The following RIF1 variants were observed in gnomAD, a reference collection of about 807,000 sequenced individuals.
RIF1 encodes telomere-associated protein RIF1.
Under a neutral mutation model 247.1 loss-of-function variants are expected in RIF1, and 45 were observed. The observed-to-expected ratio is 0.18, with a 90% CI of 0.14 to 0.23. The LOEUF (loss-of-function observed/expected upper bound fraction) is 0.23. RIF1 is among the 10% of genes least tolerant of loss of function. The pLI, the probability that RIF1 is intolerant of heterozygous loss-of-function variation, is 1.00. For synonymous variants in RIF1, 1,087 were observed against 978.8 expected (o/e 1.11, Z -2.06); for missense variants, 2,967 against 2,862.5 (o/e 1.04, Z -0.83).
At position 151,463,955 on chromosome 2, in the gene RIF1, A is replaced by C. The variant is rs749955400; in HGVS notation, c.4435A>C (p.Ile1479Leu). The C allele has an allele frequency of 2.0e-5, 33 of 1,609,962 alleles. No homozygotes were observed. The highest frequency in any genetic ancestry group is 2.7e-5 in the Non-Finnish European group (32 of 1,179,018). ...TGAACAAACTCTACAGGAGAATTTA[A>C]TTGAGAAAGGAAGTAATTTACATGA... ...IAEQTLQENL[I>L]EKGSNLHEKT... Residue 1479 changes from isoleucine to leucine, a missense_variant, in exon 30 of 36, where the codon ATT (isoleucine) becomes CTT (leucine). By Grantham distance (5) the Ile-to-Leu change is conservative. Coordinates refer to ENST00000444746, the MANE Select transcript of RIF1 (RefSeq NM_018151.5).
chr2:151,518,868 G>T, the RIF1 span: 1 of 745,256 alleles, frequency 1.3e-6, no homozygotes, highest in African/African-American at 1.7e-5. Flanking sequence ...TAAATCTAGG[G>T]TATCAGTAGC....
downstream of RIF1, among the ~76,000 whole-genome samples, chr2:151,483,905 G>A (rs189334018): frequency 2.6e-5 from 4 of 152,302 alleles, no homozygotes; most frequent in East Asian, 1.9e-4. Flanking sequence ...GAACAGTTTC[G>A]TTCCCCACTG....
chr2:151,468,269 T>G lies in RIF1; in HGVS notation c.6747+123T>G, dbSNP rs1006538453. On this transcript the variant is annotated intron_variant, in intron 31 of 35. Transcript: ENST00000444746. ...TTCCTTGGTTTAAAATATATTCTTT[T>G]GTCTGGTACACGGTAAGCAGAAAGG... 19 of 1,034,280 alleles carry G rather than the reference T, an allele frequency of 1.8e-5. No homozygotes were observed. The Middle Eastern group carries it at 9.4e-4, about 51-fold the overall frequency. 64.1% of individuals were successfully genotyped at this position (1,034,280 alleles called of 1,614,324 possible).
chr2:151,429,445 G>T (rs1212889757), intron 9 of RIF1, among the ~76,000 whole-genome samples: 1 of 152,210 alleles, frequency 6.6e-6, no homozygotes. Context: ...CCTCCCAAAT[G>T]CTGGGATTAC....
chr2:151,483,522 A>G (rs976574939), downstream of RIF1, among the ~76,000 whole-genome samples: 7 of 152,170 alleles, frequency 4.6e-5, no homozygotes, highest in African/African-American at 1.7e-4. Flanking sequence ...TGGTGGATGT[A>G]GGATTATTCT....
chr2:151,420,190 G>T lies in RIF1; in HGVS notation c.504G>T (p.Arg168Ser). 1 of 1,612,046 alleles carries T rather than the reference G, an allele frequency of 6.2e-7. No individual in the cohort carries two copies. The highest frequency in any genetic ancestry group is 1.1e-5 in the South Asian group (1 of 90,946). ...TTATTCATTGATTTCTCTATTATAG[G>T]CTAATTGAACAAGCCCCAATTCAAA... Reference protein sequence around the residue: ...VDFEALNVIVRLIEQAPIQMG... With the variant: ...VDFEALNVIVSLIEQAPIQMG... Residue 168 changes from arginine to serine, a missense_variant and splice_region_variant, in exon 7 of 36, where the codon AGG becomes AGT. Physicochemically the swap from Arg to Ser is moderately radical, Grantham distance 110 (BLOSUM62 -1). Transcript: ENST00000444746.
Position 151,445,396 on chromosome 2 carries a change from C to T in RIF1, c.2045C>T (p.Ala682Val). ...CATAATTTTAGTGCCATCTATGGTG[C>T]ATTGACTTTACCAGTAAACCACATT... ...LEHNFSAIYGALTLPVNHIFS... is the reference protein window; with the variant it reads ...LEHNFSAIYGVLTLPVNHIFS... Residue 682 changes from alanine to valine, a missense_variant, in exon 19 of 36, where the codon GCA becomes GTA. Physicochemically the swap from Ala to Val is moderately conservative, Grantham distance 64. This residue lies in a region of RIF1 where 76 missense variants were observed against 113.3 expected (regional missense o/e 0.67). Transcript: ENST00000444746. The T allele has an allele frequency of 6.2e-7, 1 of 1,609,952 alleles. No individual in the cohort carries two copies. Among genetic ancestry groups the T allele is most frequent in the Admixed American group, 1.7e-5 (1 of 60,006 alleles).
chr2:151,458,679 A>C, intron 24 of RIF1, 132 bp from the exon 25 acceptor site: 2 of 452,600 alleles, frequency 4.4e-6, no homozygotes, highest in Non-Finnish European at 7.8e-6. Context: ...TACACATAGT[A>C]AGGAACAGTC....
At chr2:151,508,106 T>C (rs2070773602), downstream of RIF1, 9 of 1,599,032 alleles carry the variant, frequency 5.6e-6, no homozygotes, top group Non-Finnish European at 7.7e-6. Flanking sequence ...TCCTTGTACT[T>C]TTTCTGGGAA....
At chr2:151,513,241 T>G in the RIF1 span, among the ~76,000 whole-genome samples, 1 of 152,160 alleles carries the variant, frequency 6.6e-6, no homozygotes, top group Non-Finnish European at 1.5e-5. Context: ...TCCCAAGATA[T>G]TCTAAGCAAG....
chr2:151,490,438 G>C (rs1253470037), intron 9 of RIF1: 7 of 1,604,660 alleles, frequency 4.4e-6, no homozygotes, highest in Non-Finnish European at 5.1e-6. Flanking sequence ...GCTTCTGAAT[G>C]CTCAGACTTC....
chr2:151,465,391 T>G lies in RIF1; in HGVS notation c.5871T>G (p.Ala1957=). 6.2e-7 allele frequency: 1 copy of G among 1,613,724 alleles called. No homozygotes were observed. Among genetic ancestry groups the G allele is most frequent in the Non-Finnish European group, 8.5e-7 (1 of 1,179,876 alleles). Residue 1957 remains alanine (A), a synonymous_variant, in exon 30 of 36, where the codon GCT becomes GCG. Transcript: ENST00000444746. ...ATGATGACTCTGAAGCAGACACAGC[T>G]AAACTGAATGCCAAAGAAGTAGCAA... ...KRNDDSEADT[A]KLNAKEVATE...
At position 151,475,499 on chromosome 2, in the gene RIF1, A is replaced by G. The variant is rs2048885844; in HGVS notation, c.*428A>G. On this transcript the variant is annotated 3_prime_UTR_variant, in exon 36 of 36. Coordinates refer to ENST00000444746, the MANE Select transcript of RIF1 (RefSeq NM_018151.5). ...TTTTGTTTGTTGGTTTGTTTAATTC[A>G]TGTTTGTTGGGACTGAGGTTTAGGA... is the stretch of plus-strand genomic sequence containing the variant. 1 of 172,806 alleles carries G rather than the reference A, an allele frequency of 5.8e-6. No individual in the cohort carries two copies. The highest frequency in any genetic ancestry group is 5.8e-5 in the Admixed American group (1 of 17,328). The allele number at this position is 172,806 out of a possible 1,614,324, so 10.7% of individuals were successfully genotyped here. A position where few individuals can be genotyped will look rare whatever the true frequency, so the allele number is the denominator to read the frequency against.
intron 16 of RIF1, among the ~76,000 whole-genome samples, chr2:151,442,640 A>G (rs775918331): frequency 4.6e-5 from 7 of 152,048 alleles, no homozygotes; most frequent in Non-Finnish European, 7.4e-5. Flanking sequence ...TGCACTTAGT[A>G]TCTCTAGGAT....
At chr2:151,416,478 T>C in intron 4 of RIF1, 83 bp from the exon 5 acceptor site, 2 of 1,190,052 alleles carry the variant, frequency 1.7e-6, no homozygotes, top group Non-Finnish European at 1.2e-6. Flanking sequence ...GATTGATGAG[T>C]ATATTGTTTT....
At chr2:151,493,984 T>G in intron 9 of RIF1, 2 of 907,694 alleles carry the variant, frequency 2.2e-6, no homozygotes. Flanking sequence ...AGAACACCTC[T>G]CAAGAAGAAA....
At chr2:151,485,833 C>T, downstream of RIF1, 4 of 1,614,098 alleles carry the variant, frequency 2.5e-6, no homozygotes, top group Non-Finnish European at 3.4e-6. Flanking sequence ...ATACATCCAG[C>T]CTTCATCAAT....
chr2:151,505,667 A>C, intron 12 of RIF1: 1 of 999,802 alleles, frequency 1.0e-6, no homozygotes, highest in Non-Finnish European at 1.6e-6. Context: ...CAAATTAAAA[A>C]AATTAACAGT....
chr2:151,427,843 G>A (rs539766637), intron 8 of RIF1, among the ~76,000 whole-genome samples: 1 of 152,110 alleles, frequency 6.6e-6, no homozygotes, highest in Non-Finnish European at 1.5e-5. Context: ...GGTGGACTGA[G>A]TTCAGGAGTT....
Sources: allele counts gnomAD v4.1 joint callset (sites outside exome capture counted in the v4.1 genomes callset), GRCh38; gene constraint gnomAD v4.1.1; regional missense constraint gnomAD v4.1.1; transcripts MANE v1.5; gene names NCBI Gene and HGNC (gene_info 2026-07-23, HGNC 2026-07-21).